MKX: variants seen among roughly 807,000 people sequenced by gnomAD.
The protein encoded by MKX is homeobox protein Mohawk.
A neutral mutation model predicts 36.0 loss-of-function variants in MKX; 13 were observed. That is an observed-to-expected ratio of 0.36 (90% CI 0.24 to 0.57). The LOEUF is 0.57. MKX is among the 20% of genes least tolerant of loss of function. The probability of loss-of-function intolerance (pLI) is 0.79; values close to 1 mark genes in which losing one functional copy is unlikely to be tolerated. For missense variants in MKX, 458 were observed against 456.4 expected, an observed-to-expected ratio of 1.00 and a Z score of -0.03; for synonymous variants, 176 against 178.3, an observed-to-expected ratio of 0.99 and a Z score of 0.10.
At chr10:27,704,076 C>T (rs1036099944) in intron 5 of MKX, among the ~76,000 whole-genome samples, 2 of 151,848 alleles carry the variant, frequency 1.3e-5, no homozygotes, top group African/African-American at 2.4e-5. Flanking sequence ...TTAGAAAATG[C>T]GATGGAAGAA....
At chr10:27,704,585 A>G (rs952627504) in intron 5 of MKX, among the ~76,000 whole-genome samples, 1 of 152,196 alleles carries the variant, frequency 6.6e-6, no homozygotes, top group African/African-American at 2.4e-5. Flanking sequence ...GGTATTTCCA[A>G]TTAGGGAGGA....
chr10:27,722,473 A>T (rs1472016018), intron 5 of MKX, among the ~76,000 whole-genome samples: 2 of 152,234 alleles, frequency 1.3e-5, no homozygotes, highest in Non-Finnish European at 2.9e-5. Flanking sequence ...TTATCTTGTC[A>T]TACATCTTCG....
At chr10:27,708,539 G>C (rs981534031) in intron 5 of MKX, among the ~76,000 whole-genome samples, 2 of 152,268 alleles carry the variant, frequency 1.3e-5, no homozygotes, top group Non-Finnish European at 1.5e-5. Context: ...AGACCATTCT[G>C]ACCAACATGG....
chr10:27,734,647 G>A lies in MKX; in HGVS notation c.647C>T (p.Pro216Leu). Residue 216 changes from proline to leucine, a missense_variant, in exon 5 of 7, where the codon CCC (proline) becomes CTC (leucine). Pro to Leu is a moderately conservative substitution (Grantham distance 98, BLOSUM62 -3). Coordinates refer to ENST00000419761, the MANE Select transcript of MKX (RefSeq NM_173576.3). ...GTTCAACAAGCTGCTCTTGTATTTG[G>A]GGGGTGCCACGTAGTCCTCACTGGC... ...SRASEDYVAP[P>L]KYKSSLLNRY... 1.2e-6 allele frequency: 2 copies of A among 1,614,120 alleles called. No individual in the cohort carries two copies. Among genetic ancestry groups the A allele is most frequent in the Non-Finnish European group, 1.7e-6 (2 of 1,180,022 alleles).
rs1041302921 is a variant in MKX at position 27,743,506 on chromosome 10, G to T, written c.-82-9C>A. On this transcript the variant is annotated splice_polypyrimidine_tract_variant and intron_variant, in intron 1 of 6. Coordinates refer to ENST00000419761, the MANE Select transcript of MKX (RefSeq NM_173576.3). ...GCAGCGGGGCTCGGCTTCTAGGAGA[G>T]GAAGGTGCATCTCGTTACTTACTGG... The T allele has an allele frequency of 6.0e-5, 79 of 1,320,500 alleles. No homozygotes were observed. Among genetic ancestry groups the T allele is most frequent in the South Asian group, 2.4e-4 (16 of 66,020 alleles). 81.8% of individuals were successfully genotyped at this position (1,320,500 alleles called of 1,614,324 possible).
In MKX at chr10:27,741,633, G is replaced by T; in HGVS notation, c.189-129C>A. On this transcript the variant is annotated intron_variant, in intron 2 of 6. Coordinates refer to ENST00000419761, the MANE Select transcript of MKX (RefSeq NM_173576.3). The surrounding 1 kb of genome is among the most constrained non-coding windows in gnomAD (Gnocchi z 5.1). Reference sequence around the variant, plus strand: ...CCTGCCTTGCGCCCCTGCTTTGCGCGCGCCCAGAGTGTTTGGGAGAGGCAG... The same window carrying T: ...CCTGCCTTGCGCCCCTGCTTTGCGCTCGCCCAGAGTGTTTGGGAGAGGCAG... 1 of 1,097,120 alleles carries T rather than the reference G, an allele frequency of 9.1e-7. No individual in the cohort carries two copies. The highest frequency in any genetic ancestry group is 1.3e-6 in the Non-Finnish European group (1 of 797,858). The allele number at this position is 1,097,120 out of a possible 1,614,324, so 68.0% of individuals were successfully genotyped here. A position where few individuals can be genotyped will look rare whatever the true frequency, so the allele number is the denominator to read the frequency against.
intron 5 of MKX, among the ~76,000 whole-genome samples, chr10:27,695,389 C>T (rs1178398425): frequency 6.7e-6 from 1 of 148,924 alleles, no homozygotes; most frequent in Non-Finnish European, 1.5e-5. Flanking sequence ...CAGTATAAGA[C>T]AAGAATAGGA....
intron 5 of MKX, among the ~76,000 whole-genome samples, chr10:27,699,598 A>C (rs1790712906): frequency 6.6e-6 from 1 of 152,214 alleles, no homozygotes; most frequent in African/African-American, 2.4e-5. Context: ...ATTGTTTTTA[A>C]AAACCCACAA....
At chr10:27,705,551 C>T (rs1836732587) in intron 5 of MKX, among the ~76,000 whole-genome samples, 1 of 152,152 alleles carries the variant, frequency 6.6e-6, no homozygotes. Flanking sequence ...GACAAAGTCT[C>T]ACTATGGTGC....
intron 5 of MKX, among the ~76,000 whole-genome samples, chr10:27,722,750 AAAT>A (rs1834407254): frequency 6.6e-6 from 1 of 152,172 alleles, no homozygotes; most frequent in African/African-American, 2.4e-5. Context: ...ACTATAATCA[AAAT>A]ATACATTTGA....
At chr10:27,722,891 C>T (rs1240138700) in intron 5 of MKX, among the ~76,000 whole-genome samples, 4 of 152,082 alleles carry the variant, frequency 2.6e-5, no homozygotes, top group Admixed American at 6.6e-5. Context: ...CTTCTCTGAG[C>T]TTCCTGTGAG....
chr10:27,683,984 G>T (rs974558505), intron 5 of MKX, among the ~76,000 whole-genome samples: 10 of 152,130 alleles, frequency 6.6e-5, no homozygotes, highest in Admixed American at 3.9e-4. Flanking sequence ...CTACAAATTG[G>T]TTCTACAGTG....
intron 5 of MKX, among the ~76,000 whole-genome samples, chr10:27,715,559 G>T (rs1371215112): frequency 6.6e-6 from 1 of 152,164 alleles, no homozygotes; most frequent in Non-Finnish European, 1.5e-5. Flanking sequence ...TCCCCTCAGA[G>T]ATTTAGAAAT....
At chr10:27,687,183 T>A (rs937068612) in intron 5 of MKX, among the ~76,000 whole-genome samples, 16 of 152,110 alleles carry the variant, frequency 1.1e-4, no homozygotes, top group Non-Finnish European at 2.9e-5. Context: ...ATTTTTGTAT[T>A]TTTAGTAGAG....
At chr10:27,708,321 A>G (rs1472842697) in intron 5 of MKX, among the ~76,000 whole-genome samples, 2 of 152,090 alleles carry the variant, frequency 1.3e-5, no homozygotes, top group Admixed American at 1.3e-4. Context: ...ACTGACCATC[A>G]CAAGGCCTTC....
intron 5 of MKX, among the ~76,000 whole-genome samples, chr10:27,705,528 A>C (rs1444999038): frequency 6.6e-6 from 1 of 151,912 alleles, no homozygotes; most frequent in Non-Finnish European, 1.5e-5. Flanking sequence ...CTGATTTTTA[A>C]ATTTTTTGTG....
chr10:27,717,761 T>C (rs1836991117), intron 5 of MKX, among the ~76,000 whole-genome samples: 1 of 152,242 alleles, frequency 6.6e-6, no homozygotes, highest in African/African-American at 2.4e-5. Flanking sequence ...CAACTAGTGA[T>C]AACATGTAAA....
At chr10:27,724,067 C>G (rs1343921241) in intron 5 of MKX, among the ~76,000 whole-genome samples, 1 of 152,098 alleles carries the variant, frequency 6.6e-6, no homozygotes, top group East Asian at 1.9e-4. Flanking sequence ...TTTTGTATTA[C>G]TAAAATATTC....
chr10:27,733,501 A>G (rs1490868940), intron 5 of MKX, among the ~76,000 whole-genome samples: 1 of 152,198 alleles, frequency 6.6e-6, no homozygotes, highest in East Asian at 1.9e-4. Context: ...TGTTCTTCCT[A>G]TCTCTTGTGC....
Sources: gnomAD v4.1 joint callset for allele counts (sites outside exome capture counted in the v4.1 genomes callset) on GRCh38, gnomAD v4.1.1 for gene constraint, Gnocchi (gnomAD v3.1) non-coding constraint, MANE v1.5 for transcripts, NCBI Gene and HGNC (gene_info 2026-07-23, HGNC 2026-07-21) for gene names.